Variants in SHANK2 observed in about 807,000 individuals in gnomAD.
SHANK2 encodes SH3 and multiple ankyrin repeat domains protein 2.
A neutral mutation model predicts 133.7 loss-of-function variants in SHANK2; 43 were observed. The ratio of observed to expected loss-of-function variants is 0.32; its 90% CI spans 0.25 to 0.41. The LOEUF is 0.41. SHANK2 is among the 10% of genes least tolerant of loss of function. SHANK2 has a pLI of 1.00. For synonymous variants in SHANK2, 1,017 were observed against 952.8 expected (o/e 1.07, Z -1.24); for missense variants, 1,994 against 2,235.8 (o/e 0.89, Z 2.18).
intron 10 of SHANK2, among the ~76,000 whole-genome samples, chr11:70,918,317 C>G (rs1188662245): frequency 6.6e-6 from 1 of 152,186 alleles, no homozygotes; most frequent in Non-Finnish European, 1.5e-5. Context: ...GACGTGTACC[C>G]TCTCCACGGA....
chr11:70,599,971 G>GAAAGAAAGAAAGAAAGAAAGAAAGAA (rs782190120), intron 17 of SHANK2, among the ~76,000 whole-genome samples: 2 of 105,090 alleles, frequency 1.9e-5, no homozygotes, highest in African/African-American at 4.2e-5. Flanking sequence ...AAGAAAGAAA[G>GAAAGAAAGAAAGAAAGAAAGAAAGAA]AAAATGTATC....
At chr11:71,224,342 G>A (rs572950507) in intron 2 of SHANK2, among the ~76,000 whole-genome samples, 10 of 151,564 alleles carry the variant, frequency 6.6e-5, no homozygotes, top group East Asian at 4.0e-4. Flanking sequence ...ATCACGAGGC[G>A]CACCCCCGTT....
chr11:70,940,325 C>T (rs1950630371), intron 10 of SHANK2, among the ~76,000 whole-genome samples: 1 of 148,688 alleles, frequency 6.7e-6, no homozygotes, highest in Non-Finnish European at 1.5e-5. Flanking sequence ...CGGCTTACTG[C>T]AACCTCTGCC....
chr11:71,137,253 C>T (rs1244732601), intron 3 of SHANK2, among the ~76,000 whole-genome samples: 6 of 128,584 alleles, frequency 4.7e-5, no homozygotes, highest in Admixed American at 2.4e-4. Flanking sequence ...TTAGTCTTTT[C>T]TTTTTTTTTA....
At chr11:70,572,429 G>A (rs1454758609) in intron 17 of SHANK2, among the ~76,000 whole-genome samples, 2 of 152,166 alleles carry the variant, frequency 1.3e-5, no homozygotes, top group African/African-American at 2.4e-5. Flanking sequence ...CAAAGTGCTC[G>A]AATTACAGCC....
At chr11:70,599,966 AGAAAG>A in intron 17 of SHANK2, among the ~76,000 whole-genome samples, 1 of 115,992 alleles carries the variant, frequency 8.6e-6, no homozygotes, top group Non-Finnish European at 1.9e-5. Context: ...AAAGAAAGAA[AGAAAG>A]AAAATGTATC....
At chr11:70,524,132 C>T (rs916988918) in intron 17 of SHANK2, among the ~76,000 whole-genome samples, 12 of 152,176 alleles carry the variant, frequency 7.9e-5, no homozygotes, top group African/African-American at 2.2e-4. Context: ...GACCAGGTGG[C>T]GACGGGATCC....
rs147674252 is a variant in SHANK2 at position 71,223,556 on chromosome 11, T to C, written c.-13+1141A>G. ...ATGTTTTAAAGTATATGAGAGAAAG[T>C]ACTTAGGTTATATGAAAATACTGCA... On this transcript the variant is annotated intron_variant, in intron 2 of 25. Transcript: ENST00000601538. Among the ~76,000 whole-genome samples, 501 of 152,328 alleles carry C rather than the reference T, an allele frequency of 3.3e-3. 6 individuals carry two copies. The East Asian group carries it at 0.042, about 13-fold the overall frequency.
Position 70,630,251 on chromosome 11 carries a change from C to A in SHANK2, c.2061+29577G>T, listed in dbSNP as rs897943868. Among the ~76,000 whole-genome samples the A allele has an allele frequency of 9.2e-5, 14 of 152,226 alleles. 1 individual carries two copies. The highest frequency in any genetic ancestry group is 2.6e-4 in the Admixed American group (4 of 15,290). On this transcript the variant is annotated intron_variant, in intron 17 of 25. Coordinates refer to ENST00000601538, the MANE Select transcript of SHANK2 (RefSeq NM_012309.5). ...AGGTGCCCTGAGGCCAGACGGCAGG[C>A]AGCAGCGATGCCCCAGGTCCCAGGC... is the stretch of plus-strand genomic sequence containing the variant.
chr11:70,487,327 T>A lies in SHANK2; in HGVS notation c.2966A>T (p.Tyr989Phe). 6.2e-7 allele frequency: 1 copy of A among 1,613,740 alleles called. No individual in the cohort carries two copies. ...NKRGQMPENP[Y>F]SEVGKIASKA... ...GCTGGCGATCTTCCCCACCTCTGAG[T>A]ATGGGTTTTCTGGCATCTGGCCTCT... The change falls in exon 25 of 26, where the codon TAC becomes TTC. Residue 989 changes from tyrosine to phenylalanine, a missense_variant. By Grantham distance (22) the Tyr-to-Phe change is conservative. This residue lies in a region of SHANK2 where 488 missense variants were observed against 642.6 expected (regional missense o/e 0.76). Coordinates refer to ENST00000601538, the MANE Select transcript of SHANK2 (RefSeq NM_012309.5). The surrounding 1 kb of genome is among the most constrained non-coding windows in gnomAD (Gnocchi z 5.8).
intron 17 of SHANK2, among the ~76,000 whole-genome samples, chr11:70,546,116 T>G (rs1279705472): frequency 1.0e-5 from 1 of 96,262 alleles, no homozygotes; most frequent in Non-Finnish European, 2.2e-5. Flanking sequence ...TTTTTTTTTT[T>G]TTGTAGAGAT....
intron 10 of SHANK2, among the ~76,000 whole-genome samples, chr11:70,898,434 G>C (rs1949973485): frequency 6.6e-6 from 1 of 152,140 alleles, no homozygotes; most frequent in Non-Finnish European, 1.5e-5. Flanking sequence ...CAGGCTGGAA[G>C]AGTTTTGAGG....
In SHANK2 at chr11:71,214,829, G is replaced by A. The variant is rs555386700; in HGVS notation, c.-13+9868C>T. Among the ~76,000 whole-genome samples, 19 of 152,344 alleles carry A rather than the reference G, an allele frequency of 1.2e-4. No homozygotes were observed. The South Asian group carries it at 3.7e-3, about 30-fold the overall frequency. Reference sequence around the variant, plus strand: ...AGAAGGTGAAGTGGGGTCACAAAAGGCCATTCTAGACCAGCAGGTGCTCGA... The same window carrying A: ...AGAAGGTGAAGTGGGGTCACAAAAGACCATTCTAGACCAGCAGGTGCTCGA... On this transcript the variant is annotated intron_variant, in intron 2 of 25. Coordinates refer to ENST00000601538, the MANE Select transcript of SHANK2 (RefSeq NM_012309.5).
intron 12 of SHANK2, among the ~76,000 whole-genome samples, chr11:70,815,631 G>T (rs1459698884): frequency 6.6e-6 from 1 of 152,174 alleles, no homozygotes; most frequent in Non-Finnish European, 1.5e-5. Flanking sequence ...TTCGAACCAG[G>T]GTTGGCACCT....
intron 2 of SHANK2, among the ~76,000 whole-genome samples, chr11:71,181,876 G>C (rs1443850319): frequency 6.2e-5 from 9 of 144,050 alleles, no homozygotes; most frequent in African/African-American, 2.3e-4. Flanking sequence ...AGGGGAACAA[G>C]TGGGAAGAAG....
chr11:71,092,458 G>T lies in SHANK2; in HGVS notation c.876C>A (p.Cys292Ter). 1.0e-5 allele frequency: 16 copies of T among 1,551,538 alleles called. No homozygotes were observed. Among genetic ancestry groups the T allele is most frequent in the Non-Finnish European group, 1.4e-5 (16 of 1,146,970 alleles). Reference sequence around the variant, plus strand: ...CGTGCCAGCCGTTCTCATCTTTGCAGCACACAGTGGCGTGTTCGTGCAGGA... The same window carrying T: ...CGTGCCAGCCGTTCTCATCTTTGCATCACACAGTGGCGTGTTCGTGCAGGA... Reference protein sequence around the residue: ...ELLLHEHATVCCKDENGWHEI... With the variant: ...ELLLHEHATV Residue 292 changes from cysteine to a stop codon, truncating the protein, a stop_gained, in exon 8 of 26, where the codon TGC (cysteine) becomes TGA (stop). Coordinates refer to ENST00000601538, the MANE Select transcript of SHANK2 (RefSeq NM_012309.5). LOFTEE classifies it high-confidence loss of function.
intron 8 of SHANK2, among the ~76,000 whole-genome samples, chr11:71,077,845 A>G (rs1190902350): frequency 2.6e-5 from 4 of 152,206 alleles, no homozygotes; most frequent in African/African-American, 9.7e-5. Context: ...TTACAAATAC[A>G]GTACAGGAGA....
intron 11 of SHANK2, among the ~76,000 whole-genome samples, chr11:70,821,141 C>A (rs1948512898): frequency 1.3e-5 from 2 of 152,168 alleles, no homozygotes; most frequent in African/African-American, 4.8e-5. Flanking sequence ...ACGTCCTAAA[C>A]CCCAGTTTTC....
intron 8 of SHANK2, among the ~76,000 whole-genome samples, chr11:71,086,605 T>C (rs1310509157): frequency 1.3e-5 from 2 of 149,326 alleles, no homozygotes; most frequent in African/African-American, 2.5e-5. Flanking sequence ...CTCCATAATA[T>C]TGAGTGGGCC....
Sources: gnomAD v4.1 joint callset for allele counts (sites outside exome capture counted in the v4.1 genomes callset) on GRCh38, gnomAD v4.1.1 for gene constraint, gnomAD v4.1.1 regional missense constraint, Gnocchi (gnomAD v3.1) non-coding constraint, MANE v1.5 for transcripts, NCBI Gene and HGNC (gene_info 2026-07-23, HGNC 2026-07-21) for gene names.